Variants in SLC9A9 observed in about 807,000 individuals in gnomAD.
SLC9A9 encodes the protein sodium/hydrogen exchanger 9.
In SLC9A9, 62 loss-of-function variants were observed where a neutral mutation model predicts 77.8. The ratio of observed to expected loss-of-function variants is 0.80; its 90% CI spans 0.65 to 0.98. The LOEUF is 0.98. Ranked by LOEUF, SLC9A9 falls within the 50% of genes least tolerant of loss-of-function variation. The probability of loss-of-function intolerance (pLI) is 0.00; values close to 1 mark genes in which losing one functional copy is unlikely to be tolerated. For missense variants in SLC9A9, 775 were observed against 774.9 expected, an observed-to-expected ratio of 1.00 and a Z score of 0.00; for synonymous variants, 320 against 283.5, an observed-to-expected ratio of 1.13 and a Z score of -1.29.
chr3:143,621,254 T>C (rs1193689609), intron 6 of SLC9A9, among the ~76,000 whole-genome samples: 3 of 152,150 alleles, frequency 2.0e-5, no homozygotes, highest in African/African-American at 7.2e-5. Flanking sequence ...GTCTGACAGC[T>C]TTGAAGAGAG....
intron 4 of SLC9A9, 32 bp downstream of exon 4, chr3:143,794,969 C>T (rs1402841112): frequency 6.3e-7 from 1 of 1,598,168 alleles, no homozygotes; most frequent in Non-Finnish European, 8.6e-7. Context: ...ACCCCACAGC[C>T]ACCTGCAACT....
intron 4 of SLC9A9, among the ~76,000 whole-genome samples, chr3:143,775,388 A>G (rs1266884695): frequency 2.6e-5 from 4 of 152,220 alleles, no homozygotes; most frequent in African/African-American, 7.2e-5. Context: ...AGGAAAAATT[A>G]AGAGGTTACA....
chr3:143,751,526 A>G (rs974771865), intron 4 of SLC9A9, among the ~76,000 whole-genome samples: 2 of 152,114 alleles, frequency 1.3e-5, no homozygotes, highest in South Asian at 2.1e-4. Flanking sequence ...CTGAAGGGCC[A>G]TCCTGACTCC....
At chr3:143,725,430 T>A (rs1201867011) in intron 4 of SLC9A9, among the ~76,000 whole-genome samples, 1 of 152,024 alleles carries the variant, frequency 6.6e-6, no homozygotes, top group Non-Finnish European at 1.5e-5. Flanking sequence ...TAAAGACACA[T>A]GCACACGTAT....
At chr3:143,537,318 A>T (rs1384936789) in intron 9 of SLC9A9, among the ~76,000 whole-genome samples, 1 of 152,246 alleles carries the variant, frequency 6.6e-6, no homozygotes, top group Admixed American at 6.5e-5. Context: ...ATTGAGCATT[A>T]CTGCTCTGGG....
intron 8 of SLC9A9, among the ~76,000 whole-genome samples, chr3:143,567,923 C>T (rs1404755068): frequency 6.6e-6 from 1 of 152,172 alleles, no homozygotes; most frequent in African/African-American, 2.4e-5. Context: ...AGCCTAGAGG[C>T]TGTGCCGTCT....
At chr3:143,283,722 T>C (rs906373344) in intron 14 of SLC9A9, among the ~76,000 whole-genome samples, 1 of 152,160 alleles carries the variant, frequency 6.6e-6, no homozygotes, top group African/African-American at 2.4e-5. Flanking sequence ...CCTTTCAGAG[T>C]GAGTATAAAA....
At chr3:143,503,083 C>T (rs940636) in intron 9 of SLC9A9, among the ~76,000 whole-genome samples, 40,615 of 152,042 alleles carry the variant, frequency 0.27, 6,287 homozygotes, top group Non-Finnish European at 0.36. Context: ...GGGCTGAGTA[C>T]GGGGACTCTA....
intron 2 of SLC9A9, among the ~76,000 whole-genome samples, chr3:143,800,090 C>T (rs920423038): frequency 6.6e-6 from 1 of 152,126 alleles, no homozygotes; most frequent in East Asian, 1.9e-4. Flanking sequence ...CTGACTATTC[C>T]TGGGCTACAG....
At chr3:143,783,016 T>C (rs1411886645) in intron 4 of SLC9A9, among the ~76,000 whole-genome samples, 1 of 152,176 alleles carries the variant, frequency 6.6e-6, no homozygotes, top group Non-Finnish European at 1.5e-5. Flanking sequence ...CCGAGTAGCA[T>C]CCAGGTTCAA....
intron 5 of SLC9A9, among the ~76,000 whole-genome samples, chr3:143,666,933 T>C (rs1217322065): frequency 6.6e-6 from 1 of 152,130 alleles, no homozygotes; most frequent in East Asian, 1.9e-4. Context: ...TTCAATGCCA[T>C]CCCCATCAAG....
At chr3:143,807,153 T>C (rs924475563) in intron 2 of SLC9A9, among the ~76,000 whole-genome samples, 3 of 152,146 alleles carry the variant, frequency 2.0e-5, no homozygotes, top group Admixed American at 2.0e-4. Flanking sequence ...TAGAAAACAG[T>C]TGTGTGTAGG....
At chr3:143,640,004 C>CCTTTCTT (rs1239417158) in intron 6 of SLC9A9, among the ~76,000 whole-genome samples, 2 of 145,038 alleles carry the variant, frequency 1.4e-5, no homozygotes, top group African/African-American at 5.1e-5. Context: ...GTCAGTAATT[C>CCTTTCTT]CTTTCTTTTT....
intron 4 of SLC9A9, among the ~76,000 whole-genome samples, chr3:143,712,349 C>T (rs1240456423): frequency 6.6e-6 from 1 of 152,184 alleles, no homozygotes. Context: ...CTTTATGAAA[C>T]TGAGGTTCAG....
chr3:143,835,696 T>C (rs1327146662), intron 1 of SLC9A9, among the ~76,000 whole-genome samples: 1 of 152,208 alleles, frequency 6.6e-6, no homozygotes, highest in African/African-American at 2.4e-5. Context: ...AGAAATCACT[T>C]GTTCACAGAA....
At chr3:143,393,010 C>G (rs139643426) in intron 12 of SLC9A9, among the ~76,000 whole-genome samples, 4 of 152,090 alleles carry the variant, frequency 2.6e-5, no homozygotes, top group African/African-American at 9.7e-5. Flanking sequence ...ACTTTAACAC[C>G]CCACTGTCAA....
intron 1 of SLC9A9, among the ~76,000 whole-genome samples, chr3:143,834,968 A>T (rs2009532495): frequency 6.6e-6 from 1 of 152,200 alleles, no homozygotes; most frequent in Non-Finnish European, 1.5e-5. Flanking sequence ...CACTGAGGTC[A>T]GGCTCCCAGC....
chr3:143,434,180 CG>C (rs1390615048), intron 12 of SLC9A9, among the ~76,000 whole-genome samples: 1 of 152,108 alleles, frequency 6.6e-6, no homozygotes, highest in Non-Finnish European at 1.5e-5. Context: ...CAAGGTGGCT[CG>C]TGAACTAAAG....
At chr3:143,560,241 G>A (rs2037057908) in intron 8 of SLC9A9, among the ~76,000 whole-genome samples, 1 of 152,138 alleles carries the variant, frequency 6.6e-6, no homozygotes, top group Non-Finnish European at 1.5e-5. Flanking sequence ...CATGATGCCG[G>A]CCCTTGGACC....
Sources: allele counts gnomAD v4.1 joint callset (sites outside exome capture counted in the v4.1 genomes callset), GRCh38; gene constraint gnomAD v4.1.1; transcripts MANE v1.5; gene names NCBI Gene and HGNC (gene_info 2026-07-23, HGNC 2026-07-21).